CRTC3: variants seen among roughly 807,000 people sequenced by gnomAD.
CRTC3 encodes the protein CREB regulated transcription coactivator 3, also known as CREB-regulated transcription coactivator 3.
A neutral mutation model predicts 74.5 loss-of-function variants in CRTC3; 26 were observed. The ratio of observed to expected loss-of-function variants is 0.35; its 90% CI spans 0.26 to 0.48. The LOEUF (loss-of-function observed/expected upper bound fraction) is 0.48. CRTC3 is among the 20% of genes least tolerant of loss of function. CRTC3 has a pLI of 0.99. For synonymous variants in CRTC3, 377 were observed against 325.8 expected (o/e 1.16, Z -1.69); for missense variants, 760 against 787.3 (o/e 0.97, Z 0.41).
rs556801597 is a variant in CRTC3 at position 90,535,462 on chromosome 15, C to T, written c.133-4577C>T. Among the ~76,000 whole-genome samples, 4 of 152,178 alleles carry T rather than the reference C, an allele frequency of 2.6e-5. No individual in the cohort carries two copies. In the South Asian group the frequency reaches 8.3e-4, roughly 32 times the overall value. ...TGAGAGATGCTGTATTCTCAGGGTGCTGGGTGAAAGGCTAATTGTGAGACG... is the reference window on the plus strand; with the variant it reads ...TGAGAGATGCTGTATTCTCAGGGTGTTGGGTGAAAGGCTAATTGTGAGACG... On this transcript the variant is annotated intron_variant, in intron 1 of 14. Transcript: ENST00000268184.
chr15:90,622,659 T>G (rs1222144245), intron 9 of CRTC3, among the ~76,000 whole-genome samples: 2 of 152,296 alleles, frequency 1.3e-5, no homozygotes, highest in African/African-American at 4.8e-5. Flanking sequence ...AAGACCAGCC[T>G]GGCCAACATG....
At chr15:90,557,504 C>A (rs1296433260) in intron 2 of CRTC3, among the ~76,000 whole-genome samples, 9 of 152,184 alleles carry the variant, frequency 5.9e-5, no homozygotes, top group Non-Finnish European at 1.0e-4. Flanking sequence ...GTCTCAGACA[C>A]GTACAAATGG....
intron 11 of CRTC3, among the ~76,000 whole-genome samples, chr15:90,636,282 A>C (rs1483288934): frequency 1.3e-5 from 2 of 151,732 alleles, no homozygotes; most frequent in Admixed American, 6.6e-5. Context: ...TCTTTGACAA[A>C]CCTGACAAAA....
At chr15:90,563,407 A>G (rs561554847) in intron 2 of CRTC3, among the ~76,000 whole-genome samples, 2 of 152,294 alleles carry the variant, frequency 1.3e-5, no homozygotes, top group East Asian at 1.9e-4. Context: ...CTCTGTATCA[A>G]AAAATAAATA....
In CRTC3 at chr15:90,638,854, A is replaced by G. The variant is rs1264690225; in HGVS notation, c.1548+39A>G. The G allele has an allele frequency of 4.0e-6, 6 of 1,486,020 alleles. No individual in the cohort carries two copies. The East Asian group carries it at 1.4e-4, about 34-fold the overall frequency. 92.1% of individuals were successfully genotyped at this position (1,486,020 alleles called of 1,614,324 possible). A position where few individuals can be genotyped will look rare whatever the true frequency, so the allele number is the denominator to read the frequency against. Reference sequence around the variant, plus strand: ...CCTGCCTTCTCCTCCCTTGGTGCATAAACTGTACCATTTAGGTTGTTCATT... The same window carrying G: ...CCTGCCTTCTCCTCCCTTGGTGCATGAACTGTACCATTTAGGTTGTTCATT... On this transcript the variant is annotated intron_variant, in intron 13 of 14. Coordinates refer to ENST00000268184, the MANE Select transcript of CRTC3 (RefSeq NM_022769.5).
chr15:90,615,833 AATTTTTATTT>A (rs537980541), intron 7 of CRTC3, among the ~76,000 whole-genome samples: 132 of 152,068 alleles, frequency 8.7e-4, no homozygotes, highest in African/African-American at 2.9e-3. Context: ...CTTTCAGGGC[AATTTTTATTT>A]ATTTTTATTT....
intron 2 of CRTC3, among the ~76,000 whole-genome samples, chr15:90,573,441 C>G (rs1000042469): frequency 6.6e-6 from 1 of 152,118 alleles, no homozygotes; most frequent in Non-Finnish European, 1.5e-5. Flanking sequence ...TTAGAGTGGC[C>G]TTAATCATGC....
Position 90,627,444 on chromosome 15 carries a change from A to G in CRTC3, c.967+1451A>G, listed in dbSNP as rs1290167092. ...TGTATGAAGATATCTAGGGTCCCAG[A>G]AGTAAAGCAGCATCAGCACATAGCT... On this transcript the variant is annotated intron_variant, in intron 10 of 14. Coordinates refer to ENST00000268184, the MANE Select transcript of CRTC3 (RefSeq NM_022769.5). 2.6e-5 allele frequency among the ~76,000 whole-genome samples: 4 copies of G among 152,152 alleles called. 1 individual carries two copies. In the East Asian group the frequency reaches 5.8e-4, roughly 22 times the overall value.
At chr15:90,631,565 TA>T (rs1401238778) in intron 11 of CRTC3, among the ~76,000 whole-genome samples, 9 of 151,582 alleles carry the variant, frequency 5.9e-5, no homozygotes, top group Admixed American at 5.9e-4. Flanking sequence ...CCATCTCTAC[TA>T]AAAATACAAA....
Position 90,575,822 on chromosome 15 carries a change from CTTTA to C in CRTC3, c.232-17799_232-17796del, listed in dbSNP as rs560341514. Among the ~76,000 whole-genome samples the C allele has an allele frequency of 1.2e-4, 18 of 152,172 alleles. No homozygotes were observed. The South Asian group carries it at 2.7e-3, about 23-fold the overall frequency. ...TTGCATGTTTATTTTTCCAGATGAA[CTTTA>C]TTTATTTATTTATTCTCTTTACACC... On this transcript the variant is annotated intron_variant, in intron 2 of 14. Transcript: ENST00000268184.
At chr15:90,602,651 CAAAACA>C (rs1404420531) in intron 4 of CRTC3, among the ~76,000 whole-genome samples, 4 of 46,514 alleles carry the variant, frequency 8.6e-5, no homozygotes, top group Admixed American at 6.7e-4. Flanking sequence ...AACAAACAAA[CAAAACA>C]ACAACAACAA....
chr15:90,640,678 TA>T (rs71463753), intron 13 of CRTC3, among the ~76,000 whole-genome samples: 50,616 of 147,332 alleles, frequency 0.34, 9,757 homozygotes, highest in African/African-American at 0.54. Context: ...ACCCTATCTT[TA>T]AAAAAAAAAA....
intron 2 of CRTC3, among the ~76,000 whole-genome samples, chr15:90,545,548 C>A (rs1185507207): frequency 6.7e-6 from 1 of 149,272 alleles, no homozygotes; most frequent in African/African-American, 2.5e-5. Flanking sequence ...TACAGGCGCG[C>A]CCCACCACAC....
At chr15:90,571,477 G>C (rs1967263299) in intron 2 of CRTC3, among the ~76,000 whole-genome samples, 1 of 152,184 alleles carries the variant, frequency 6.6e-6, no homozygotes, top group African/African-American at 2.4e-5. Flanking sequence ...GCATGAGAAG[G>C]GAGTGGTGAG....
rs555160937 is a variant in CRTC3, at chr15:90,578,666, C to T, written c.232-14970C>T. 3.9e-5 allele frequency among the ~76,000 whole-genome samples: 6 copies of T among 152,206 alleles called. No individual in the cohort carries two copies. The South Asian group carries it at 1.2e-3, about 32-fold the overall frequency. On this transcript the variant is annotated intron_variant, in intron 2 of 14. Transcript: ENST00000268184. ...TATGTATTCTTATTTGCTGTACATG[C>T]ATAATCAGTATTTCAAAGGACTCAC...
intron 14 of CRTC3, among the ~76,000 whole-genome samples, chr15:90,641,698 A>T (rs971534686): frequency 6.7e-6 from 1 of 149,998 alleles, no homozygotes; most frequent in Non-Finnish European, 1.5e-5. Context: ...AAAAAAAAAA[A>T]GATTTCATCT....
intron 2 of CRTC3, among the ~76,000 whole-genome samples, chr15:90,561,622 A>G (rs892904785): frequency 6.6e-6 from 1 of 152,180 alleles, no homozygotes; most frequent in Non-Finnish European, 1.5e-5. Flanking sequence ...TCATATTAGT[A>G]TGAAGCAATC....
At chr15:90,569,265 A>T (rs1967200695) in intron 2 of CRTC3, among the ~76,000 whole-genome samples, 1 of 150,082 alleles carries the variant, frequency 6.7e-6, no homozygotes, top group Non-Finnish European at 1.5e-5. Flanking sequence ...TGGCCTCCCA[A>T]AGTGCTAGGA....
At chr15:90,576,788 G>A (rs765266115) in intron 2 of CRTC3, among the ~76,000 whole-genome samples, 11 of 152,192 alleles carry the variant, frequency 7.2e-5, no homozygotes, top group African/African-American at 1.4e-4. Context: ...GGATTTAGTA[G>A]CGTGCAAAGT....
Sources: allele counts gnomAD v4.1 joint callset (sites outside exome capture counted in the v4.1 genomes callset), GRCh38; gene constraint gnomAD v4.1.1; transcripts MANE v1.5; gene names NCBI Gene and HGNC (gene_info 2026-07-23, HGNC 2026-07-21).